The following VXN variants were observed in gnomAD, a reference collection of about 807,000 sequenced individuals.
VXN encodes the protein uncharacterized protein C8orf46.
VXN carries 7 observed loss-of-function variants against 23.1 expected under a neutral mutation model. The observed-to-expected ratio is 0.30, with a 90% CI of 0.17 to 0.57. The LOEUF is 0.57. Among genes scored for constraint, VXN ranks in the 20% least tolerant of loss-of-function variants. The pLI is 0.91. For missense variants in VXN, 238 were observed against 272.6 expected, an observed-to-expected ratio of 0.87 and a Z score of 0.89; for synonymous variants, 120 against 105.8, an observed-to-expected ratio of 1.13 and a Z score of -0.83.
At chr8:66,506,551 T>C (rs1323428958) in intron 3 of VXN, among the ~76,000 whole-genome samples, 1 of 152,126 alleles carries the variant, frequency 6.6e-6, no homozygotes, top group Non-Finnish European at 1.5e-5. Context: ...AAGTTATTCA[T>C]ATTTTACCTC....
At position 66,500,624 on chromosome 8, in the gene VXN, C is replaced by T. The variant is rs911572147; in HGVS notation, c.126+4132C>T. Among the ~76,000 whole-genome samples the T allele has an allele frequency of 2.6e-5, 4 of 152,056 alleles. No individual in the cohort carries two copies. The South Asian group carries it at 6.2e-4, about 24-fold the overall frequency. On this transcript the variant is annotated intron_variant, in intron 2 of 5. Coordinates refer to ENST00000305454, the MANE Select transcript of VXN (RefSeq NM_152765.4). ...AGGTTTGGGCTTCTAATGATAGCAT[C>T]GCCCAAGTAGTGAACATCTTACCCA... is the stretch of plus-strand genomic sequence containing the variant.
chr8:66,497,744 C>T (rs985158365), intron 2 of VXN, among the ~76,000 whole-genome samples: 28 of 152,102 alleles, frequency 1.8e-4, no homozygotes, highest in Admixed American at 6.5e-5. Context: ...AAATTTTTTT[C>T]GACTGGGCAC....
chr8:66,508,852 G>A (rs1807789518), intron 3 of VXN, among the ~76,000 whole-genome samples: 1 of 152,086 alleles, frequency 6.6e-6, no homozygotes, highest in Non-Finnish European at 1.5e-5. Flanking sequence ...AAAATTAGCC[G>A]GGCGTGGTGG....
chr8:66,504,080 T>A (rs941549153), intron 2 of VXN, among the ~76,000 whole-genome samples: 6 of 151,962 alleles, frequency 3.9e-5, no homozygotes, highest in African/African-American at 1.2e-4. Context: ...ACCTCCTACA[T>A]CCATCTGGCT....
intron 2 of VXN, among the ~76,000 whole-genome samples, chr8:66,497,500 T>G (rs1178270418): frequency 1.3e-5 from 2 of 152,256 alleles, no homozygotes; most frequent in Non-Finnish European, 2.9e-5. Flanking sequence ...AACATGCATA[T>G]GCATTACTCT....
chr8:66,509,017 G>A (rs552323869), intron 3 of VXN, among the ~76,000 whole-genome samples: 20 of 152,308 alleles, frequency 1.3e-4, no homozygotes, highest in African/African-American at 4.8e-4. Context: ...AAGAAAGATT[G>A]TGGTGAGGAT....
rs1442395648 is a variant in VXN, at chr8:66,493,604, A to T, written c.-45A>T. 6.4e-7 allele frequency: 1 copy of T among 1,558,690 alleles called. No homozygotes were observed. The highest frequency in any genetic ancestry group is 1.7e-5 in the Admixed American group (1 of 59,900). ...ATGCCTCGCGACTAGGGGTCCAGAG[A>T]CAGAGGCCTCCAGTTCCCAGGCACT... On this transcript the variant is annotated 5_prime_UTR_variant, in exon 1 of 6. Coordinates refer to ENST00000305454, the MANE Select transcript of VXN (RefSeq NM_152765.4).
At chr8:66,506,392 CATT>C (rs1025704129) in intron 3 of VXN, among the ~76,000 whole-genome samples, 4 of 151,702 alleles carry the variant, frequency 2.6e-5, no homozygotes, top group African/African-American at 9.7e-5. Flanking sequence ...AAACTGGAAA[CATT>C]ATAGTTTTAC....
In VXN at chr8:66,510,127, G is replaced by C; in HGVS notation, c.312G>C (p.Leu104=). 1.2e-6 allele frequency: 2 copies of C among 1,613,592 alleles called. No individual in the cohort carries two copies. The highest frequency in any genetic ancestry group is 1.7e-6 in the Non-Finnish European group (2 of 1,179,808). The change falls in exon 4 of 6, where the codon CTG becomes CTC. Residue 104 remains leucine (L), a synonymous_variant. Coordinates refer to ENST00000305454, the MANE Select transcript of VXN (RefSeq NM_152765.4). ...VGISEPKTSN[L]CGNRAYGKSL... The stretch of plus-strand genomic sequence containing the variant: ...TTTCTGAACCCAAAACATCAAATCT[G>C]TGTGGGAATCGAGCATATGGAAAAT...
chr8:66,510,311 G>C (rs576869517), intron 4 of VXN, 154 bp downstream of exon 4: 1 of 634,312 alleles, frequency 1.6e-6, no homozygotes, highest in Admixed American at 3.2e-5. Context: ...GCTCCCAAAA[G>C]CTCTCAGTTG....
In VXN at chr8:66,505,547, C is replaced by A; in HGVS notation, c.280+19C>A. ...AGACCCGGTACGTGAGTCCCGGCCC[C>A]AGCTCCCCGCACCTCCCTGGGCGCA... On this transcript the variant is annotated intron_variant, in intron 3 of 5. Coordinates refer to ENST00000305454, the MANE Select transcript of VXN (RefSeq NM_152765.4). 1 of 1,466,310 alleles carries A rather than the reference C, an allele frequency of 6.8e-7. No homozygotes were observed. The highest frequency in any genetic ancestry group is 2.4e-5 in the East Asian group (1 of 41,590). The allele number at this position is 1,466,310 out of a possible 1,614,324, so 90.8% of individuals were successfully genotyped here.
Position 66,496,508 on chromosome 8 carries a change from T to A in VXN, c.126+16T>A. The A allele has an allele frequency of 6.2e-7, 1 of 1,612,904 alleles. No individual in the cohort carries two copies. The highest frequency in any genetic ancestry group is 1.1e-5 in the South Asian group (1 of 91,050). On this transcript the variant is annotated intron_variant, in intron 2 of 5. Transcript: ENST00000305454. ...GACCAAGAATGTAAGGAAACTTTAGTTTTGATGTTCTTTGGTTGACTTTCA... is the reference window on the plus strand; with the variant it reads ...GACCAAGAATGTAAGGAAACTTTAGATTTGATGTTCTTTGGTTGACTTTCA...
intron 1 of VXN, among the ~76,000 whole-genome samples, chr8:66,495,585 G>C (rs1807616643): frequency 6.6e-6 from 1 of 152,184 alleles, no homozygotes; most frequent in Non-Finnish European, 1.5e-5. Context: ...AACATGATCA[G>C]TCAAAGATAA....
At chr8:66,508,358 G>A (rs529772674) in intron 3 of VXN, among the ~76,000 whole-genome samples, 74 of 152,142 alleles carry the variant, frequency 4.9e-4, no homozygotes, top group Admixed American at 7.8e-4. Context: ...CTCCCACCAG[G>A]CTACCAGAGA....
At chr8:66,509,187 T>C (rs1295356886) in intron 3 of VXN, among the ~76,000 whole-genome samples, 1 of 152,212 alleles carries the variant, frequency 6.6e-6, no homozygotes, top group Non-Finnish European at 1.5e-5. Context: ...TGAGGTGTTT[T>C]CTTGTGGAAG....
At chr8:66,501,158 G>A (rs1028672136) in intron 2 of VXN, 8 of 152,124 alleles carry the variant, frequency 5.3e-5, no homozygotes, top group African/African-American at 1.4e-4. Context: ...TTACAGGTGT[G>A]AGCCACCACA....
chr8:66,502,331 C>G (rs1030786671), intron 2 of VXN, among the ~76,000 whole-genome samples: 1 of 152,082 alleles, frequency 6.6e-6, no homozygotes, highest in Non-Finnish European at 1.5e-5. Flanking sequence ...ATTCGTGGCC[C>G]CTTCAGAATA....
intron 3 of VXN, among the ~76,000 whole-genome samples, chr8:66,508,033 G>T (rs901487447): frequency 3.3e-5 from 5 of 152,136 alleles, no homozygotes; most frequent in Non-Finnish European, 5.9e-5. Context: ...GCAGTCCCCA[G>T]TCCTGGGCCT....
intron 2 of VXN, among the ~76,000 whole-genome samples, chr8:66,503,021 AT>A (rs1168994487): frequency 6.6e-6 from 1 of 151,742 alleles, no homozygotes; most frequent in Non-Finnish European, 1.5e-5. Context: ...TAGTTTTTGT[AT>A]TTTTTTGTAG....
Sources: gnomAD v4.1 joint callset for allele counts (sites outside exome capture counted in the v4.1 genomes callset) on GRCh38, gnomAD v4.1.1 for gene constraint, MANE v1.5 for transcripts, NCBI Gene and HGNC (gene_info 2026-07-23, HGNC 2026-07-21) for gene names.